Variants in DPP6 observed in about 807,000 individuals in gnomAD.
DPP6 encodes the protein dipeptidyl peptidase like 6.
A neutral mutation model predicts 122.6 loss-of-function variants in DPP6; 69 were observed. The ratio of observed to expected loss-of-function variants is 0.56; its 90% CI spans 0.46 to 0.69. The LOEUF (loss-of-function observed/expected upper bound fraction) is 0.69, where lower values mean the gene tolerates loss of function less well. Among genes scored for constraint, DPP6 ranks in the 30% least tolerant of loss-of-function variants. The pLI, the probability that DPP6 is intolerant of heterozygous loss-of-function variation, is 0.00. For missense variants in DPP6, 928 were observed against 1,116.9 expected, an observed-to-expected ratio of 0.83 and a Z score of 2.41; for synonymous variants, 418 against 433.1, an observed-to-expected ratio of 0.97 and a Z score of 0.43.
chr7:154,177,738 G>A (rs1007042450), intron 1 of DPP6, among the ~76,000 whole-genome samples: 19 of 152,198 alleles, frequency 1.2e-4, no homozygotes, highest in African/African-American at 4.6e-4. Flanking sequence ...GTGATGTCAG[G>A]CAATGATGGT....
chr7:154,655,201 G>A (rs1837159390), intron 6 of DPP6, among the ~76,000 whole-genome samples: 2 of 152,116 alleles, frequency 1.3e-5, no homozygotes, highest in Non-Finnish European at 2.9e-5. Flanking sequence ...GCAATTGTTA[G>A]GTTTGCCCCC....
At chr7:154,346,247 A>T (rs1365134002) in intron 1 of DPP6, among the ~76,000 whole-genome samples, 1 of 152,178 alleles carries the variant, frequency 6.6e-6, no homozygotes, top group Non-Finnish European at 1.5e-5. Context: ...GGAGGAAACA[A>T]AACTGAAGAC....
At chr7:154,724,665 G>C (rs113666022) in intron 7 of DPP6, among the ~76,000 whole-genome samples, 1 of 152,040 alleles carries the variant, frequency 6.6e-6, no homozygotes, top group Non-Finnish European at 1.5e-5. Flanking sequence ...GGCCTCCTGA[G>C]TATCCCATCT....
At chr7:154,522,227 GC>G (rs1827049927) in intron 3 of DPP6, among the ~76,000 whole-genome samples, 1 of 152,174 alleles carries the variant, frequency 6.6e-6, no homozygotes, top group African/African-American at 2.4e-5. Context: ...GCCCGCCTGG[GC>G]CTCCCAAAAT....
At chr7:154,467,541 G>A (rs1377742838) in intron 2 of DPP6, among the ~76,000 whole-genome samples, 1 of 152,124 alleles carries the variant, frequency 6.6e-6, no homozygotes, top group African/African-American at 2.4e-5. Flanking sequence ...ATGATTGTAA[G>A]TTTCCTGAGG....
intron 1 of DPP6, among the ~76,000 whole-genome samples, chr7:153,925,917 C>T (rs902347417): frequency 1.3e-5 from 2 of 152,176 alleles, no homozygotes; most frequent in Admixed American, 6.5e-5. Context: ...CGTAGGAACT[C>T]CTGTGATGGC....
intron 1 of DPP6, among the ~76,000 whole-genome samples, chr7:154,386,893 T>C (rs1021846570): frequency 6.6e-5 from 10 of 151,986 alleles, no homozygotes; most frequent in African/African-American, 2.4e-4. Context: ...GGAGCCAGGC[T>C]GTGGATGACG....
chr7:154,014,868 A>G (rs1230664743), intron 1 of DPP6, among the ~76,000 whole-genome samples: 1 of 151,938 alleles, frequency 6.6e-6, no homozygotes, highest in African/African-American at 2.4e-5. Context: ...TAAGGATCCC[A>G]TTAAAGGTCA....
At chr7:154,135,650 C>CGAG (rs1178125629) in intron 1 of DPP6, among the ~76,000 whole-genome samples, 1 of 151,140 alleles carries the variant, frequency 6.6e-6, no homozygotes, top group Non-Finnish European at 1.5e-5. Flanking sequence ...TTCCCATGAG[C>CGAG]CCCCCTTCCT....
intron 1 of DPP6, among the ~76,000 whole-genome samples, chr7:154,184,525 C>T (rs1160724856): frequency 2.6e-5 from 4 of 152,186 alleles, no homozygotes; most frequent in South Asian, 2.1e-4. Flanking sequence ...GTCCCACAGA[C>T]GTCCTAGCAG....
the DPP6 span, among the ~76,000 whole-genome samples, chr7:153,825,960 G>T: frequency 6.6e-6 from 1 of 152,050 alleles, no homozygotes; most frequent in African/African-American, 2.4e-5. Flanking sequence ...ATTTACAAAA[G>T]AAAAATAAAC....
intron 1 of DPP6, among the ~76,000 whole-genome samples, chr7:153,963,295 C>G (rs964206181): frequency 6.6e-6 from 1 of 151,482 alleles, no homozygotes; most frequent in Non-Finnish European, 1.5e-5. Flanking sequence ...GCACCTGCCA[C>G]GTGCCAGGCA....
rs558335749 is a variant in DPP6, at chr7:153,922,568, T to G, written c.51+34834T>G. Among the ~76,000 whole-genome samples the G allele has an allele frequency of 3.7e-4, 57 of 152,362 alleles. No homozygotes were observed. In the South Asian group the frequency reaches 0.011, roughly 30 times the overall value. On this transcript the variant is annotated intron_variant, in intron 1 of 25. Transcript: ENST00000404039. ...CAGCTTAACTGCATTTCTCCAGGTC[T>G]GAGAAACAAATTCTATACATATTTT...
At chr7:154,272,766 T>G (rs1803877668) in intron 1 of DPP6, among the ~76,000 whole-genome samples, 1 of 152,156 alleles carries the variant, frequency 6.6e-6, no homozygotes, top group South Asian at 2.1e-4. Context: ...TGATAAGGAC[T>G]GACTCCCAGC....
chr7:154,576,910 C>T (rs1273485806), intron 5 of DPP6, among the ~76,000 whole-genome samples: 1 of 152,080 alleles, frequency 6.6e-6, no homozygotes, highest in Non-Finnish European at 1.5e-5. Context: ...CAAGAGGAGC[C>T]AGAGGTAGAA....
chr7:154,560,999 C>T (rs1286017270), intron 4 of DPP6, among the ~76,000 whole-genome samples: 1 of 151,756 alleles, frequency 6.6e-6, no homozygotes, highest in Non-Finnish European at 1.5e-5. Flanking sequence ...AGGAATATTA[C>T]CAGAAATAAG....
intron 1 of DPP6, among the ~76,000 whole-genome samples, chr7:154,384,107 C>T (rs1418206486): frequency 6.6e-6 from 1 of 152,064 alleles, no homozygotes; most frequent in Non-Finnish European, 1.5e-5. Context: ...CTGGCAGGTG[C>T]ACCATCATCC....
intron 7 of DPP6, among the ~76,000 whole-genome samples, chr7:154,674,763 T>C (rs1210263517): frequency 6.6e-6 from 1 of 152,156 alleles, no homozygotes; most frequent in Non-Finnish European, 1.5e-5. Context: ...CTGCTGGAAC[T>C]GGGGAGAGAG....
At chr7:153,882,208 A>C (rs1169785026), upstream of DPP6, among the ~76,000 whole-genome samples, 1 of 152,224 alleles carries the variant, frequency 6.6e-6, no homozygotes, top group African/African-American at 2.4e-5. Context: ...TTTCTAGTAG[A>C]TATCTTCCTG....
Sources: allele counts gnomAD v4.1 joint callset (sites outside exome capture counted in the v4.1 genomes callset), GRCh38; gene constraint gnomAD v4.1.1; transcripts MANE v1.5; gene names NCBI Gene and HGNC (gene_info 2026-07-23, HGNC 2026-07-21).